The following TAFA5 variants were observed in gnomAD, a reference collection of about 807,000 sequenced individuals.
TAFA5 encodes the protein chemokine-like protein TAFA-5.
A neutral mutation model predicts 15.3 loss-of-function variants in TAFA5; 6 were observed. The ratio of observed to expected loss-of-function variants is 0.39; its 90% confidence interval spans 0.21 to 0.77. TAFA5 has a LOEUF of 0.77. TAFA5 is among the 30% of genes least tolerant of loss of function. TAFA5 has a pLI of 0.41. For synonymous variants in TAFA5, 103 were observed against 80.7 expected, an observed-to-expected ratio of 1.28 and a Z score of -1.48; for missense variants, 161 against 193.1, an observed-to-expected ratio of 0.83 and a Z score of 0.98.
At chr22:48,605,533 T>C (rs1185304545) in intron 1 of TAFA5, among the ~76,000 whole-genome samples, 5 of 151,924 alleles carry the variant, frequency 3.3e-5, no homozygotes, top group African/African-American at 1.2e-4. Context: ...TGATAGGGCC[T>C]ACTTTTTTAT....
intron 1 of TAFA5, among the ~76,000 whole-genome samples, chr22:48,609,744 G>A (rs1200548083): frequency 6.6e-6 from 1 of 152,226 alleles, no homozygotes; most frequent in Non-Finnish European, 1.5e-5. Context: ...GAGGCCGGGG[G>A]TCTGGCATCA....
At position 48,489,587 on chromosome 22, in the gene TAFA5, G is replaced by A; in HGVS notation, c.-6G>A. 2 of 1,451,220 alleles carry A rather than the reference G, an allele frequency of 1.4e-6. No individual in the cohort carries two copies. The highest frequency in any genetic ancestry group is 1.8e-6 in the Non-Finnish European group (2 of 1,093,392). 89.9% of individuals were successfully genotyped at this position (1,451,220 alleles called of 1,614,324 possible). ...TGCTGCCCCCCGCGCGGGCGCCGCG[G>A]CTTCAATGGCGCCATCGCCCAGGAC... On this transcript the variant is annotated 5_prime_UTR_variant, in exon 1 of 4. Coordinates refer to ENST00000402357, the MANE Select transcript of TAFA5 (RefSeq NM_001082967.3). The surrounding 1 kb of genome is among the most constrained non-coding windows in gnomAD (Gnocchi z 5.5).
intron 1 of TAFA5, among the ~76,000 whole-genome samples, chr22:48,610,917 G>A (rs1360863144): frequency 6.6e-6 from 1 of 150,660 alleles, no homozygotes; most frequent in Non-Finnish European, 1.5e-5. Flanking sequence ...ATTAATGACT[G>A]GCTGGATGAC....
At chr22:48,539,811 C>T (rs910137169) in intron 1 of TAFA5, among the ~76,000 whole-genome samples, 1 of 152,188 alleles carries the variant, frequency 6.6e-6, no homozygotes, top group African/African-American at 2.4e-5. Flanking sequence ...GGACGTGATA[C>T]GTCGGCTGAG....
intron 1 of TAFA5, among the ~76,000 whole-genome samples, chr22:48,562,695 C>T (rs1427183712): frequency 6.6e-6 from 1 of 152,180 alleles, no homozygotes; most frequent in Non-Finnish European, 1.5e-5. Flanking sequence ...CCCTCCTAGG[C>T]CATCATTGAC....
At chr22:48,718,408 G>C (rs1474834762) in intron 3 of TAFA5, among the ~76,000 whole-genome samples, 1 of 152,178 alleles carries the variant, frequency 6.6e-6, no homozygotes, top group African/African-American at 2.4e-5. Flanking sequence ...GGGAAGTCAA[G>C]AGGTGTCTTG....
chr22:48,497,195 G>A (rs1329479517), intron 1 of TAFA5, among the ~76,000 whole-genome samples: 1 of 152,218 alleles, frequency 6.6e-6, no homozygotes, highest in Non-Finnish European at 1.5e-5. Context: ...CCCCGCCTGC[G>A]GTGTTCCAGG....
chr22:48,741,888 G>A (rs534586624), intron 3 of TAFA5, among the ~76,000 whole-genome samples: 2 of 152,362 alleles, frequency 1.3e-5, no homozygotes, highest in Admixed American at 1.3e-4. Flanking sequence ...AGCTGATGAG[G>A]AAGGTCGCTG....
At chr22:48,679,266 CCA>C (rs1928095948) in intron 2 of TAFA5, among the ~76,000 whole-genome samples, 1 of 112,662 alleles carries the variant, frequency 8.9e-6, no homozygotes. Context: ...TCCCGGCTCC[CCA>C]TCCATCCCTC....
At chr22:48,621,688 G>C (rs1925844367) in intron 1 of TAFA5, among the ~76,000 whole-genome samples, 1 of 152,198 alleles carries the variant, frequency 6.6e-6, no homozygotes, top group South Asian at 2.1e-4. Context: ...CGTGGCCTCG[G>C]GGTCTTGCAC....
chr22:48,715,719 G>C (rs1217311802), intron 3 of TAFA5, among the ~76,000 whole-genome samples: 1 of 152,186 alleles, frequency 6.6e-6, no homozygotes, highest in African/African-American at 2.4e-5. Flanking sequence ...CTGCTGGCCC[G>C]ACCCAGGCGC....
At chr22:48,639,218 G>A (rs1409987235) in intron 1 of TAFA5, among the ~76,000 whole-genome samples, 2 of 149,418 alleles carry the variant, frequency 1.3e-5, no homozygotes, top group East Asian at 1.9e-4. Context: ...CCCCGTTGGG[G>A]ACCTGCCCCC....
At chr22:48,582,560 C>T (rs997575862) in intron 1 of TAFA5, among the ~76,000 whole-genome samples, 6 of 150,504 alleles carry the variant, frequency 4.0e-5, no homozygotes, top group African/African-American at 1.5e-4. Context: ...ACACAAAATA[C>T]ACCACACACA....
At chr22:48,640,361 C>T (rs1422386505) in intron 1 of TAFA5, among the ~76,000 whole-genome samples, 1 of 152,202 alleles carries the variant, frequency 6.6e-6, no homozygotes, top group Non-Finnish European at 1.5e-5. Context: ...CGATGAGGGA[C>T]ATGAATGGGC....
intron 1 of TAFA5, among the ~76,000 whole-genome samples, chr22:48,611,152 C>T (rs1013392929): frequency 1.1e-4 from 16 of 152,200 alleles, no homozygotes; most frequent in African/African-American, 3.9e-4. Context: ...CCAGGCTGGT[C>T]TTGCACTCCT....
At chr22:48,703,238 A>G (rs1346174506) in intron 2 of TAFA5, among the ~76,000 whole-genome samples, 2 of 151,800 alleles carry the variant, frequency 1.3e-5, no homozygotes, top group African/African-American at 4.8e-5. Flanking sequence ...TGTTGTGTAC[A>G]TGTGTGTGTG....
chr22:48,718,543 TAGG>T (rs1929474071), intron 3 of TAFA5, among the ~76,000 whole-genome samples: 1 of 151,994 alleles, frequency 6.6e-6, no homozygotes, highest in African/African-American at 2.4e-5. Flanking sequence ...CGACCCCCAT[TAGG>T]AGCCTGCGGT....
At chr22:48,524,836 C>T (rs1246653980) in intron 1 of TAFA5, among the ~76,000 whole-genome samples, 1 of 152,122 alleles carries the variant, frequency 6.6e-6, no homozygotes. Context: ...GTGGAGTCTT[C>T]CTTACACTGG....
intron 1 of TAFA5, among the ~76,000 whole-genome samples, chr22:48,625,258 A>G (rs952584117): frequency 6.6e-6 from 1 of 152,234 alleles, no homozygotes; most frequent in African/African-American, 2.4e-5. Flanking sequence ...ATGACCCACC[A>G]GTCTATTCAC....
Sources: gnomAD v4.1 joint callset for allele counts (sites outside exome capture counted in the v4.1 genomes callset) on GRCh38, gnomAD v4.1.1 for gene constraint, Gnocchi (gnomAD v3.1) non-coding constraint, MANE v1.5 for transcripts, NCBI Gene and HGNC (gene_info 2026-07-23, HGNC 2026-07-21) for gene names.